Variants in NRXN3 observed in about 807,000 individuals in gnomAD.
NRXN3 encodes the protein neurexin 3, also known as neurexin III.
NRXN3 carries 32 observed loss-of-function variants against 137.6 expected under a neutral mutation model. The observed-to-expected ratio is 0.23, with a 90% CI of 0.18 to 0.31. NRXN3 has a LOEUF of 0.31. Among genes scored for constraint, NRXN3 ranks in the 10% least tolerant of loss-of-function variants. NRXN3 has a pLI of 1.00. For synonymous variants in NRXN3, 798 were observed against 784.5 expected (o/e 1.02, Z -0.29); for missense variants, 1,574 against 2,062.5 (o/e 0.76, Z 4.59).
chr14:79,653,320 C>T (rs1184439175), intron 16 of NRXN3, among the ~76,000 whole-genome samples: 1 of 152,150 alleles, frequency 6.6e-6, no homozygotes, highest in Non-Finnish European at 1.5e-5. Flanking sequence ...ATTCTCTTTT[C>T]TCATTCCATC....
At chr14:79,261,293 A>T (rs902119205) in intron 15 of NRXN3, among the ~76,000 whole-genome samples, 1 of 152,190 alleles carries the variant, frequency 6.6e-6, no homozygotes, top group Non-Finnish European at 1.5e-5. Flanking sequence ...GGTATGTGCC[A>T]GAAAAGTGAG....
intron 10 of NRXN3, among the ~76,000 whole-genome samples, chr14:78,819,031 G>C (rs2098942912): frequency 6.6e-6 from 1 of 152,046 alleles, no homozygotes; most frequent in Admixed American, 6.6e-5. Flanking sequence ...GGTTTACTTA[G>C]GGATTTTCCT....
At chr14:79,187,279 G>A (rs1021399002) in intron 15 of NRXN3, among the ~76,000 whole-genome samples, 4 of 152,172 alleles carry the variant, frequency 2.6e-5, no homozygotes. Flanking sequence ...AGGTGGCAAG[G>A]CATTGTATTG....
intron 15 of NRXN3, among the ~76,000 whole-genome samples, chr14:79,036,142 G>A (rs1263076152): frequency 6.6e-6 from 1 of 151,968 alleles, no homozygotes; most frequent in Non-Finnish European, 1.5e-5. Flanking sequence ...GGCCATGTAA[G>A]AGAAATATAA....
chr14:79,044,922 T>C (rs1238076998), intron 15 of NRXN3, among the ~76,000 whole-genome samples: 1 of 152,084 alleles, frequency 6.6e-6, no homozygotes, highest in Non-Finnish European at 1.5e-5. Flanking sequence ...GAACTACAAA[T>C]TATTTTCTTG....
chr14:78,173,767 G>A (rs2058998105), intron 1 of NRXN3, among the ~76,000 whole-genome samples: 1 of 117,900 alleles, frequency 8.5e-6, no homozygotes, highest in Non-Finnish European at 1.6e-5. Flanking sequence ...CATGCCACAC[G>A]GATGCAGCCT....
intron 16 of NRXN3, among the ~76,000 whole-genome samples, chr14:79,544,498 G>T (rs1033639736): frequency 6.6e-6 from 1 of 152,120 alleles, no homozygotes; most frequent in African/African-American, 2.4e-5. Flanking sequence ...GTGACTTGCT[G>T]GATGGATGCC....
chr14:78,628,575 T>G (rs970402057), intron 4 of NRXN3, among the ~76,000 whole-genome samples: 1 of 152,202 alleles, frequency 6.6e-6, no homozygotes, highest in Non-Finnish European at 1.5e-5. Context: ...AGCCTTCAAG[T>G]AACACACAGT....
At chr14:78,979,944 A>G (rs1257801555) in intron 14 of NRXN3, among the ~76,000 whole-genome samples, 1 of 152,176 alleles carries the variant, frequency 6.6e-6, no homozygotes, top group African/African-American at 2.4e-5. Flanking sequence ...TGTGGGAATT[A>G]AGGGAGCTAC....
chr14:79,169,709 T>G (rs1202192651), intron 15 of NRXN3, among the ~76,000 whole-genome samples: 1 of 152,134 alleles, frequency 6.6e-6, no homozygotes, highest in African/African-American at 2.4e-5. Flanking sequence ...TCAAATATAA[T>G]TCACAGGGGT....
At chr14:79,840,228 G>C (rs997116105) in intron 20 of NRXN3, among the ~76,000 whole-genome samples, 3 of 152,220 alleles carry the variant, frequency 2.0e-5, no homozygotes, top group Admixed American at 2.0e-4. Flanking sequence ...AAGTTATTTA[G>C]AGTAGTGTTT....
chr14:78,702,451 C>CTT (rs151197180), intron 6 of NRXN3, among the ~76,000 whole-genome samples: 1 of 122,700 alleles, frequency 8.1e-6, no homozygotes. Context: ...TTTTTCTTTT[C>CTT]TTATTTTTTT....
chr14:79,130,401 T>C (rs1314438838), intron 15 of NRXN3, among the ~76,000 whole-genome samples: 3 of 152,154 alleles, frequency 2.0e-5, no homozygotes, highest in South Asian at 4.1e-4. Flanking sequence ...CAGCATTTGC[T>C]TGTCTGTAAC....
intron 4 of NRXN3, among the ~76,000 whole-genome samples, chr14:78,390,836 A>G (rs1259035958): frequency 2.0e-5 from 3 of 152,164 alleles, no homozygotes; most frequent in Non-Finnish European, 4.4e-5. Context: ...GGTTTGTTAC[A>G]TAGGTAAACA....
chr14:79,714,994 C>T (rs924826217), intron 19 of NRXN3, among the ~76,000 whole-genome samples: 4 of 152,146 alleles, frequency 2.6e-5, no homozygotes, highest in African/African-American at 9.7e-5. Flanking sequence ...CACTCCGTCA[C>T]CCAGGCTGGA....
intron 17 of NRXN3, among the ~76,000 whole-genome samples, chr14:79,685,342 T>A (rs954089138): frequency 4.6e-5 from 7 of 152,120 alleles, no homozygotes; most frequent in African/African-American, 1.7e-4. Flanking sequence ...AAACTAAGCA[T>A]GGTTACCAGA....
At chr14:79,423,610 C>G (rs1167596091) in intron 15 of NRXN3, among the ~76,000 whole-genome samples, 1 of 152,210 alleles carries the variant, frequency 6.6e-6, no homozygotes, top group Non-Finnish European at 1.5e-5. Flanking sequence ...GAAAGCTCCC[C>G]TCCACTTTTC....
chr14:78,946,979 C>T (rs2099366659), intron 10 of NRXN3, among the ~76,000 whole-genome samples: 1 of 152,100 alleles, frequency 6.6e-6, no homozygotes, highest in African/African-American at 2.4e-5. Context: ...TATGATATTT[C>T]CAGGGAGACG....
At chr14:78,407,781 G>C (rs769751796) in intron 4 of NRXN3, among the ~76,000 whole-genome samples, 1 of 152,058 alleles carries the variant, frequency 6.6e-6, no homozygotes, top group African/African-American at 2.4e-5. Context: ...ATTAGTCAAC[G>C]AAGTCGTATT....
Sources: allele counts gnomAD v4.1 joint callset (sites outside exome capture counted in the v4.1 genomes callset), GRCh38; gene constraint gnomAD v4.1.1; transcripts MANE v1.5; gene names NCBI Gene and HGNC (gene_info 2026-07-23, HGNC 2026-07-21).